NARS2: variants seen among roughly 807,000 people sequenced by gnomAD.
NARS2 encodes the protein asparaginyl-tRNA synthetase 2, mitochondrial, also known as asparaginyl-tRNA synthetase.
In NARS2, 60 loss-of-function variants were observed where a neutral mutation model predicts 62.9. The observed-to-expected ratio is 0.95, with a 90% CI of 0.77 to 1.18. The LOEUF is 1.18. Among genes scored for constraint, NARS2 ranks in the 50% most tolerant of loss-of-function variants. The pLI is 0.00. For synonymous variants in NARS2, 196 were observed against 200.0 expected (o/e 0.98, Z 0.17); for missense variants, 619 against 576.4 (o/e 1.07, Z -0.76).
chr11:78,564,024 G>A (rs901545547), intron 4 of NARS2, among the ~76,000 whole-genome samples: 7 of 144,890 alleles, frequency 4.8e-5, no homozygotes, highest in Non-Finnish European at 7.6e-5. Flanking sequence ...TCAGCCTCCC[G>A]AGTAGCTGGA....
intron 5 of NARS2, among the ~76,000 whole-genome samples, chr11:78,544,683 A>ACT (rs1345862685): frequency 1.3e-5 from 2 of 151,698 alleles, no homozygotes; most frequent in Non-Finnish European, 2.9e-5. Flanking sequence ...AGTCCCAGCT[A>ACT]CTCGGGAGGC....
chr11:78,566,114 G>A lies in NARS2; in HGVS notation c.513+18C>T. 6.3e-7 allele frequency: 1 copy of A among 1,588,820 alleles called. No individual in the cohort carries two copies. Among genetic ancestry groups the A allele is most frequent in the Non-Finnish European group, 8.6e-7 (1 of 1,168,130 alleles). ...TAAAACTGTTTAAAGGGTCAAGAGG[G>A]AACTTTTAGGATCTTACCTTAAAGA... On this transcript the variant is annotated intron_variant, in intron 4 of 13. Transcript: ENST00000281038.
chr11:78,543,205 C>T (rs1486637869), intron 5 of NARS2, among the ~76,000 whole-genome samples: 1 of 152,146 alleles, frequency 6.6e-6, no homozygotes, highest in East Asian at 1.9e-4. Flanking sequence ...CATTATAAAG[C>T]ATACTCATAT....
intron 7 of NARS2, among the ~76,000 whole-genome samples, chr11:78,484,563 T>C (rs1859492618): frequency 1.3e-5 from 2 of 151,942 alleles, no homozygotes; most frequent in South Asian, 4.1e-4. Context: ...AACAACCTCA[T>C]CAAAAAGTGG....
In NARS2 at chr11:78,436,818, T is replaced by G. The variant is rs755604898; in HGVS notation, c.1290-4A>C. ...AAATCGACGAAGGTCCAGATACCTG[T>G]TTTTCAAAAATAGAAAATCATCATC... On this transcript the variant is annotated splice_region_variant and splice_polypyrimidine_tract_variant and intron_variant, in intron 13 of 13. Transcript: ENST00000281038. 1.2e-6 allele frequency: 2 copies of G among 1,612,694 alleles called. No homozygotes were observed. The highest frequency in any genetic ancestry group is 1.7e-6 in the Non-Finnish European group (2 of 1,179,558).
intron 5 of NARS2, among the ~76,000 whole-genome samples, chr11:78,538,767 G>A (rs1330039099): frequency 6.6e-5 from 10 of 151,604 alleles, no homozygotes; most frequent in East Asian, 2.0e-4. Context: ...AGGCCGAGGC[G>A]GGCGGATCAC....
intron 4 of NARS2, among the ~76,000 whole-genome samples, chr11:78,564,639 A>T (rs1309832324): frequency 6.6e-6 from 1 of 152,198 alleles, no homozygotes; most frequent in Non-Finnish European, 1.5e-5. Context: ...AACCTTCAGA[A>T]CTAATAATTT....
rs138257204 is a variant in NARS2 at position 78,479,465 on chromosome 11, C to T, written c.823-782G>A. On this transcript the variant is annotated intron_variant, in intron 7 of 13. Coordinates refer to ENST00000281038, the MANE Select transcript of NARS2 (RefSeq NM_024678.6). The stretch of plus-strand genomic sequence containing the variant: ...TTGAGGCTACAGTGAGCCATGATCA[C>T]GCCACTGCAACTCCAGCCTAGGTGA... Among the ~76,000 whole-genome samples, 32 of 152,144 alleles carry T rather than the reference C, an allele frequency of 2.1e-4. No homozygotes were observed. In the East Asian group the frequency reaches 5.8e-3, roughly 28 times the overall value.
intron 11 of NARS2, among the ~76,000 whole-genome samples, chr11:78,460,271 A>ATTTTTT (rs112389422): frequency 1.4e-5 from 2 of 145,236 alleles, no homozygotes; most frequent in East Asian, 2.0e-4. Flanking sequence ...GATTGGGTTA[A>ATTTTTT]TTTTTTTTTT....
intron 11 of NARS2, among the ~76,000 whole-genome samples, chr11:78,462,257 T>C (rs112099211): frequency 0.022 from 3,284 of 152,292 alleles, 101 homozygotes; most frequent in African/African-American, 0.067. Context: ...GATACAGTCT[T>C]CTGTTTTGTA....
intron 5 of NARS2, among the ~76,000 whole-genome samples, chr11:78,535,371 TA>T (rs1452752181): frequency 4.3e-4 from 66 of 152,308 alleles, no homozygotes; most frequent in African/African-American, 1.5e-3. Context: ...TGGTACAATA[TA>T]AAAGAATATA....
intron 6 of NARS2, among the ~76,000 whole-genome samples, chr11:78,523,458 C>T (rs1348495450): frequency 2.0e-5 from 3 of 152,314 alleles, no homozygotes; most frequent in South Asian, 2.1e-4. Flanking sequence ...ATTAATTTCG[C>T]TCCTAGGTAT....
intron 11 of NARS2, among the ~76,000 whole-genome samples, chr11:78,450,094 A>G (rs1857913089): frequency 6.6e-6 from 1 of 152,224 alleles, no homozygotes; most frequent in African/African-American, 2.4e-5. Flanking sequence ...GGTCACATTA[A>G]TGGGACGGGG....
intron 6 of NARS2, among the ~76,000 whole-genome samples, chr11:78,527,423 A>G (rs73506941): frequency 0.025 from 3,739 of 152,240 alleles, 166 homozygotes; most frequent in African/African-American, 0.085. Flanking sequence ...CAAATCCTAT[A>G]ATCTCACCAT....
intron 6 of NARS2, among the ~76,000 whole-genome samples, chr11:78,493,908 T>C (rs926081607): frequency 6.6e-6 from 1 of 152,094 alleles, no homozygotes; most frequent in Non-Finnish European, 1.5e-5. Context: ...ATCTAGATAA[T>C]AACAGTGAAA....
At chr11:78,463,726 A>AAAG (rs2135204332) in intron 11 of NARS2, among the ~76,000 whole-genome samples, 1 of 149,688 alleles carries the variant, frequency 6.7e-6, no homozygotes, top group African/African-American at 2.4e-5. Flanking sequence ...AAAAAAAAAA[A>AAAG]AAAAAAAAAA....
intron 6 of NARS2, among the ~76,000 whole-genome samples, chr11:78,495,844 C>A (rs879748874): frequency 1.3e-5 from 2 of 152,136 alleles, no homozygotes; most frequent in Non-Finnish European, 2.9e-5. Flanking sequence ...TACAGTACAT[C>A]TAAATAAGTA....
At chr11:78,572,560 A>G (rs1482603240) in intron 1 of NARS2, among the ~76,000 whole-genome samples, 1 of 152,170 alleles carries the variant, frequency 6.6e-6, no homozygotes, top group African/African-American at 2.4e-5. Flanking sequence ...CTTGGCTGAA[A>G]TATCACCTCA....
intron 9 of NARS2, among the ~76,000 whole-genome samples, chr11:78,470,722 G>A (rs1858833703): frequency 6.6e-6 from 1 of 151,946 alleles, no homozygotes; most frequent in African/African-American, 2.4e-5. Context: ...TTTTTCACAT[G>A]CAAAAGTGGA....
Sources: gnomAD v4.1 joint callset for allele counts (sites outside exome capture counted in the v4.1 genomes callset) on GRCh38, gnomAD v4.1.1 for gene constraint, MANE v1.5 for transcripts, NCBI Gene and HGNC (gene_info 2026-07-23, HGNC 2026-07-21) for gene names.